Variants in MAPT observed in about 807,000 individuals in gnomAD.
MAPT encodes microtubule-associated protein tau.
Under a neutral mutation model 67.9 loss-of-function variants are expected in MAPT, and 34 were observed. The ratio of observed to expected loss-of-function variants is 0.50; its 90% CI spans 0.38 to 0.67. The LOEUF (loss-of-function observed/expected upper bound fraction) is 0.67. MAPT is among the 30% of genes least tolerant of loss of function. The probability of loss-of-function intolerance (pLI) is 0.00; values close to 1 mark genes in which losing one functional copy is unlikely to be tolerated. For missense variants in MAPT, 881 were observed against 1,115.2 expected, an observed-to-expected ratio of 0.79 and a Z score of 2.99; for synonymous variants, 456 against 464.5, an observed-to-expected ratio of 0.98 and a Z score of 0.23.
intron 3 of MAPT, 61 bp downstream of exon 3, chr17:45,972,006 C>A: frequency 1.5e-6 from 2 of 1,295,236 alleles, no homozygotes; most frequent in Non-Finnish European, 2.2e-6. Context: ...GTGCTTTGAG[C>A]CTCCCTCCTG....
intron 1 of MAPT, among the ~76,000 whole-genome samples, chr17:45,941,721 T>TCCTTCCTTCCTTCCTG: frequency 8.0e-6 from 1 of 124,728 alleles, no homozygotes; most frequent in African/African-American, 2.9e-5. Context: ...CTTCCTTCCT[T>TCCTTCCTTCCTTCCTG]CCTTCCTTCC....
At chr17:45,959,673 C>T (rs912408773) in intron 1 of MAPT, among the ~76,000 whole-genome samples, 6 of 151,762 alleles carry the variant, frequency 4.0e-5, no homozygotes, top group African/African-American at 7.3e-5. Flanking sequence ...CCCAGCTACT[C>T]GGGAGGCTGA....
chr17:45,936,774 C>T (rs1352303577), intron 1 of MAPT, among the ~76,000 whole-genome samples: 1 of 152,184 alleles, frequency 6.6e-6, no homozygotes, highest in Non-Finnish European at 1.5e-5. Context: ...CCCCCAAGGG[C>T]GTCATTAACG....
intron 1 of MAPT, among the ~76,000 whole-genome samples, chr17:45,904,043 TTA>T (rs1344634883): frequency 0.036 from 428 of 11,924 alleles, 17 homozygotes; most frequent in African/African-American, 0.11. Context: ...TATTATATAT[TTA>T]TATATATTAT....
chr17:45,971,823 G>C lies in MAPT; in HGVS notation c.134-36G>C, dbSNP rs374352592. The C allele has an allele frequency of 4.8e-6, 7 of 1,458,130 alleles. No individual in the cohort carries two copies. The South Asian group carries it at 5.7e-5, about 12-fold the overall frequency. 90.3% of individuals were successfully genotyped at this position (1,458,130 alleles called of 1,614,324 possible). ...AGAACAAAAGGGGGCGCTGGGGAGA[G>C]GCCACCGTTCTGAGGGCTCACTGTA... On this transcript the variant is annotated intron_variant, in intron 2 of 12. Transcript: ENST00000262410. This position sits in a 1 kb window ranked among gnomAD's most constrained non-coding sequence, Gnocchi z 4.3.
chr17:45,904,811 C>T (rs1422111946), intron 1 of MAPT, among the ~76,000 whole-genome samples: 1 of 152,036 alleles, frequency 6.6e-6, no homozygotes, highest in African/African-American at 2.4e-5. Context: ...GAACAGCTTT[C>T]TACTTTGACA....
rs185158567 is a variant in MAPT, at chr17:45,963,361, A to G, written c.133+891A>G. On this transcript the variant is annotated intron_variant, in intron 2 of 12. Transcript: ENST00000262410. ...CACACAGCCCTCCCTCTGCCTTCCC[A>G]TGCTGGCCCTTCACCCACTGCTGGA... Among the ~76,000 whole-genome samples the G allele has an allele frequency of 7.8e-3, 1,184 of 152,238 alleles. 7 individuals are homozygous for G. Among genetic ancestry groups the G allele is most frequent in the South Asian group, 0.047 (225 of 4,818 alleles).
intron 5 of MAPT, 89 bp downstream of exon 5, chr17:45,984,019 C>T (rs769867514): frequency 1.2e-5 from 14 of 1,121,240 alleles, no homozygotes; most frequent in African/African-American, 4.7e-5. Context: ...CCAGGCCTCC[C>T]GACTCCTGCT....
Position 45,928,591 on chromosome 17 carries a change from T to C in MAPT, c.-17-33730T>C, listed in dbSNP as rs558874487. Reference sequence around the variant, plus strand: ...ACACATTAGAATCACCTGAGGAGCTTTTAAAGCCACAATGCAAGACTCCAC... The same window carrying C: ...ACACATTAGAATCACCTGAGGAGCTCTTAAAGCCACAATGCAAGACTCCAC... On this transcript the variant is annotated intron_variant, in intron 1 of 12. Coordinates refer to ENST00000262410, the MANE Select transcript of MAPT (RefSeq NM_001377265.1). Among the ~76,000 whole-genome samples the C allele has an allele frequency of 1.9e-4, 29 of 152,236 alleles. No individual in the cohort carries two copies. In the East Asian group the frequency reaches 3.9e-3, roughly 20 times the overall value.
intron 1 of MAPT, among the ~76,000 whole-genome samples, chr17:45,910,207 C>T (rs2064664515): frequency 6.6e-6 from 1 of 152,044 alleles, no homozygotes; most frequent in Admixed American, 6.6e-5. Context: ...CTGGGAGGTC[C>T]CCCCACTCCC....
intron 12 of MAPT, among the ~76,000 whole-genome samples, chr17:46,023,258 T>C (rs1192933617): frequency 6.6e-6 from 1 of 152,244 alleles, no homozygotes; most frequent in Non-Finnish European, 1.5e-5. Context: ...ACGGGTTTAT[T>C]TATCTGAGGT....
chr17:45,913,041 G>A (rs1049613825), intron 1 of MAPT, among the ~76,000 whole-genome samples: 1 of 152,230 alleles, frequency 6.6e-6, no homozygotes, highest in African/African-American at 2.4e-5. Context: ...GGAGGCGTTA[G>A]CTGTTAATCA....
chr17:45,992,300 T>C (rs751308162), intron 8 of MAPT, among the ~76,000 whole-genome samples: 1 of 152,152 alleles, frequency 6.6e-6, no homozygotes, highest in Non-Finnish European at 1.5e-5. Context: ...CAGGGTTCCA[T>C]AGAGGCAGCC....
intron 1 of MAPT, among the ~76,000 whole-genome samples, chr17:45,913,785 G>T (rs1314717527): frequency 6.6e-6 from 1 of 152,234 alleles, no homozygotes; most frequent in Non-Finnish European, 1.5e-5. Context: ...AAAGAGGGCT[G>T]CTCCCATGCC....
chr17:45,946,615 A>AAAAAAAATATATATATAT, intron 1 of MAPT, among the ~76,000 whole-genome samples: 11 of 100,336 alleles, frequency 1.1e-4, no homozygotes, highest in Non-Finnish European at 2.0e-4. Flanking sequence ...AAAAAAAAAA[A>AAAAAAAATATATATATAT]ATATATATAT....
At chr17:45,920,076 C>T (rs564879850) in intron 1 of MAPT, among the ~76,000 whole-genome samples, 5 of 152,384 alleles carry the variant, frequency 3.3e-5, no homozygotes, top group African/African-American at 1.2e-4. Flanking sequence ...TCCAGATGAG[C>T]TGCAGGCGTG....
chr17:45,933,761 G>A (rs1184247848), intron 1 of MAPT, among the ~76,000 whole-genome samples: 1 of 151,714 alleles, frequency 6.6e-6, no homozygotes, highest in East Asian at 1.9e-4. Context: ...CCAGTCACTT[G>A]ACCTTCTTCC....
At chr17:45,992,824 G>C (rs1251635868) in intron 8 of MAPT, among the ~76,000 whole-genome samples, 4 of 150,714 alleles carry the variant, frequency 2.7e-5, no homozygotes, top group Non-Finnish European at 2.9e-5. Context: ...CCAGGAGGCA[G>C]AGGTTGCAGT....
chr17:45,933,839 G>GTTT (rs1403016665), intron 1 of MAPT, among the ~76,000 whole-genome samples: 1 of 78,512 alleles, frequency 1.3e-5, no homozygotes, highest in African/African-American at 6.1e-5. Flanking sequence ...AATGTTTTCT[G>GTTT]ATTTTTTTTT....
Sources: gnomAD v4.1 joint callset for allele counts (sites outside exome capture counted in the v4.1 genomes callset) on GRCh38, gnomAD v4.1.1 for gene constraint, Gnocchi (gnomAD v3.1) non-coding constraint, MANE v1.5 for transcripts, NCBI Gene and HGNC (gene_info 2026-07-23, HGNC 2026-07-21) for gene names.